The following GRM7 variants were observed in gnomAD, a reference collection of about 807,000 sequenced individuals.
The protein encoded by GRM7 is glutamate metabotropic receptor 7.
In GRM7, 35 loss-of-function variants were observed where a neutral mutation model predicts 84.5. That is an observed-to-expected ratio of 0.41 (90% CI 0.32 to 0.55). GRM7 has a LOEUF of 0.55. Among genes scored for constraint, GRM7 ranks in the 20% least tolerant of loss-of-function variants. The pLI is 0.19. For missense variants in GRM7, 1,003 were observed against 1,194.6 expected (o/e 0.84, Z 2.36); for synonymous variants, 487 against 455.1 (o/e 1.07, Z -0.89).
At chr3:7,633,909 A>G (rs117849327) in intron 8 of GRM7, among the ~76,000 whole-genome samples, 1,601 of 152,272 alleles carry the variant, frequency 0.011, 34 homozygotes, top group East Asian at 0.074. Flanking sequence ...CTTGGGGTGT[A>G]CAAATAACAA....
chr3:7,211,529 T>C (rs891981893), intron 2 of GRM7, among the ~76,000 whole-genome samples: 2 of 151,844 alleles, frequency 1.3e-5, no homozygotes, highest in African/African-American at 4.8e-5. Flanking sequence ...TAAAATAAAG[T>C]CAACCCATTA....
chr3:7,723,428 C>T (rs1318444666), intron 9 of GRM7, among the ~76,000 whole-genome samples: 3 of 152,140 alleles, frequency 2.0e-5, no homozygotes, highest in Non-Finnish European at 2.9e-5. Context: ...CCTCAAATTA[C>T]ATCACAAGTT....
rs764049084 is a variant in GRM7, at chr3:6,861,116, G to A, written c.-273G>A. The A allele has an allele frequency of 1.3e-5, 5 of 383,162 alleles. No individual in the cohort carries two copies. Among genetic ancestry groups the A allele is most frequent in the Non-Finnish European group, 2.3e-5 (5 of 217,582 alleles). 23.7% of individuals were successfully genotyped at this position (383,162 alleles called of 1,614,324 possible). On this transcript the variant is annotated 5_prime_UTR_variant, in exon 1 of 10. The change creates a new upstream start codon in the 5' untranslated region. Transcript: ENST00000357716. This position sits in a 1 kb window ranked among gnomAD's most constrained non-coding sequence, Gnocchi z 6.4. ...GATAGCAGTCCCTGCCCTCTCCCCA[G>A]TGCTGGGCTGTTGGAGAGAGCGAGC... is the stretch of plus-strand genomic sequence containing the variant.
intron 1 of GRM7, among the ~76,000 whole-genome samples, chr3:7,046,057 T>A (rs1431214613): frequency 6.6e-6 from 1 of 152,150 alleles, no homozygotes; most frequent in Admixed American, 6.6e-5. Flanking sequence ...TTGTTGCTAA[T>A]AGTCATTCTA....
chr3:7,281,026 C>T (rs1252384065), intron 2 of GRM7, among the ~76,000 whole-genome samples: 3 of 152,144 alleles, frequency 2.0e-5, no homozygotes, highest in Non-Finnish European at 4.4e-5. Context: ...TCTGTTCTTT[C>T]GTGCTGGCAG....
rs1221269172 is a variant in GRM7 at position 7,304,538 on chromosome 3, A to T, written c.879-1960A>T. On this transcript the variant is annotated intron_variant, in intron 3 of 9. Coordinates refer to ENST00000357716, the MANE Select transcript of GRM7 (RefSeq NM_000844.4). The stretch of plus-strand genomic sequence containing the variant: ...TATTTATTAAAAATAATATTTAAAG[A>T]TTTACTCTATTTTCTCTGTACGTTC... 3.3e-5 allele frequency among the ~76,000 whole-genome samples: 5 copies of T among 151,554 alleles called. No individual in the cohort carries two copies. In the East Asian group the frequency reaches 5.8e-4, roughly 18 times the overall value.
chr3:7,365,033 G>C (rs1475877383), intron 4 of GRM7, among the ~76,000 whole-genome samples: 1 of 151,870 alleles, frequency 6.6e-6, no homozygotes, highest in Non-Finnish European at 1.5e-5. Context: ...TGACAGTTAA[G>C]TTAGACATAC....
intron 2 of GRM7, among the ~76,000 whole-genome samples, chr3:7,173,841 G>A (rs555121476): frequency 6.6e-6 from 1 of 152,236 alleles, no homozygotes; most frequent in Admixed American, 6.5e-5. Context: ...TATTTTAACA[G>A]CTTATACTTT....
chr3:6,963,589 C>A (rs1333528287), intron 1 of GRM7, among the ~76,000 whole-genome samples: 1 of 152,140 alleles, frequency 6.6e-6, no homozygotes, highest in African/African-American at 2.4e-5. Context: ...GCCTGGGTGA[C>A]AGAGCCAGAG....
intron 2 of GRM7, among the ~76,000 whole-genome samples, chr3:7,217,832 T>C (rs1432078064): frequency 6.7e-6 from 1 of 149,006 alleles, no homozygotes. Context: ...TAGATGTGTG[T>C]ATATGTGTGT....
intron 1 of GRM7, among the ~76,000 whole-genome samples, chr3:7,136,102 C>T (rs537722798): frequency 1.5e-4 from 23 of 151,974 alleles, no homozygotes; most frequent in African/African-American, 4.8e-4. Context: ...AGTGAAAGTG[C>T]GTCATACATG....
intron 8 of GRM7, among the ~76,000 whole-genome samples, chr3:7,652,053 T>C (rs1244115734): frequency 6.6e-6 from 1 of 152,102 alleles, no homozygotes; most frequent in African/African-American, 2.4e-5. Context: ...CATTCAATCC[T>C]GAAGGGTAGT....
chr3:7,126,536 A>G (rs1693407066), intron 1 of GRM7, among the ~76,000 whole-genome samples: 1 of 152,114 alleles, frequency 6.6e-6, no homozygotes, highest in African/African-American at 2.4e-5. Flanking sequence ...GGAAATGCCT[A>G]GGCATTTTGC....
chr3:7,347,261 G>T (rs1258936190), intron 4 of GRM7, among the ~76,000 whole-genome samples: 5 of 152,242 alleles, frequency 3.3e-5, no homozygotes, highest in East Asian at 1.9e-4. Context: ...TTTCAAGGCT[G>T]CTCCTTATAA....
chr3:7,578,480 T>C lies in GRM7; in HGVS notation c.1574T>C (p.Leu525Pro). The change falls in exon 8 of 10, where the codon CTA becomes CCA. Residue 525 changes from leucine to proline, a missense_variant. Transcript: ENST00000357716. ...GAGATACCCGCCTCAGTGTGCACAC[T>C]ACCATGTAAGCCAGGACAGAGAAAG... ...VREIPASVCTLPCKPGQRKKT... is the reference protein window; with the variant it reads ...VREIPASVCTPPCKPGQRKKT... 1 of 1,613,850 alleles carries C rather than the reference T, an allele frequency of 6.2e-7. No individual in the cohort carries two copies. Among genetic ancestry groups the C allele is most frequent in the Non-Finnish European group, 8.5e-7 (1 of 1,179,802 alleles).
At chr3:7,515,211 C>A (rs376548413) in intron 7 of GRM7, among the ~76,000 whole-genome samples, 822 of 128,320 alleles carry the variant, frequency 6.4e-3, no homozygotes, top group Non-Finnish European at 6.7e-3. Flanking sequence ...TGTAGAAGGA[C>A]AAAAAAAAAA....
intron 9 of GRM7, among the ~76,000 whole-genome samples, chr3:7,728,201 C>G (rs956041496): frequency 6.6e-6 from 1 of 152,164 alleles, no homozygotes; most frequent in Non-Finnish European, 1.5e-5. Context: ...ACATTGTTCC[C>G]AGACCGAACC....
At chr3:7,226,649 T>A (rs1043092902) in intron 2 of GRM7, among the ~76,000 whole-genome samples, 2 of 152,198 alleles carry the variant, frequency 1.3e-5, no homozygotes, top group African/African-American at 4.8e-5. Context: ...CAGGGCCACC[T>A]TAGGTGTGTC....
intron 1 of GRM7, among the ~76,000 whole-genome samples, chr3:7,119,913 C>T (rs562268377): frequency 7.6e-4 from 115 of 152,082 alleles, no homozygotes; most frequent in African/African-American, 2.2e-3. Context: ...TATGTGTTTG[C>T]GTGGTATTTG....
Sources: gnomAD v4.1 joint callset for allele counts (sites outside exome capture counted in the v4.1 genomes callset) on GRCh38, gnomAD v4.1.1 for gene constraint, Gnocchi (gnomAD v3.1) non-coding constraint, MANE v1.5 for transcripts, NCBI Gene and HGNC (gene_info 2026-07-23, HGNC 2026-07-21) for gene names.